The following DPF3 variants were observed in gnomAD, a reference collection of about 807,000 sequenced individuals.
DPF3 encodes the protein zinc finger protein DPF3.
Under a neutral mutation model 56.8 loss-of-function variants are expected in DPF3, and 18 were observed. That is an observed-to-expected ratio of 0.32 (90% confidence interval 0.22 to 0.47). The LOEUF (loss-of-function observed/expected upper bound fraction) is 0.47. Among genes scored for constraint, DPF3 ranks in the 20% least tolerant of loss-of-function variants. DPF3 has a pLI of 1.00. For synonymous variants in DPF3, 188 were observed against 180.2 expected (o/e 1.04, Z -0.35); for missense variants, 403 against 488.8 (o/e 0.82, Z 1.65).
chr14:72,648,856 T>C (rs1885809662), intron 8 of DPF3, among the ~76,000 whole-genome samples: 1 of 152,118 alleles, frequency 6.6e-6, no homozygotes, highest in Non-Finnish European at 1.5e-5. Context: ...AAAGAGATCC[T>C]TCCTGACCAA....
chr14:72,736,065 G>A (rs1042399870), intron 3 of DPF3, among the ~76,000 whole-genome samples: 1 of 152,170 alleles, frequency 6.6e-6, no homozygotes, highest in Admixed American at 6.5e-5. Flanking sequence ...CAGCTGCACT[G>A]TCCAACAGAA....
Position 72,619,307 on chromosome 14 carries a change from C to G in DPF3, c.1127G>C (p.Cys376Ser). The G allele has an allele frequency of 6.5e-7, 1 of 1,536,104 alleles. No homozygotes were observed. Among genetic ancestry groups the G allele is most frequent in the Non-Finnish European group, 8.7e-7 (1 of 1,146,876 alleles). The change falls in exon 11 of 11, where the codon TGC becomes TCC. Residue 376 changes from cysteine (C) to serine (S), a missense_variant. Physicochemically the swap from Cys to Ser is moderately radical, Grantham distance 112. Transcript: ENST00000556509. ...LLKEKASAFG[C>S]QA Reference sequence around the variant, plus strand: ...CTGTGACCTGGGGCCCTAGGCCTGGCAGCCAAAGGCTGAGGCTTTCTCTTT... The same window carrying G: ...CTGTGACCTGGGGCCCTAGGCCTGGGAGCCAAAGGCTGAGGCTTTCTCTTT...
chr14:72,883,090 G>C (rs2140126524), intron 1 of DPF3, among the ~76,000 whole-genome samples: 2 of 152,334 alleles, frequency 1.3e-5, no homozygotes, highest in South Asian at 4.1e-4. Context: ...GGCAGCCAAA[G>C]ATGTATCGAG....
chr14:72,781,613 A>G (rs886536056), intron 1 of DPF3, among the ~76,000 whole-genome samples: 1 of 151,904 alleles, frequency 6.6e-6, no homozygotes, highest in African/African-American at 2.4e-5. Context: ...GGGTGTTCTG[A>G]TGACATACAC....
intron 1 of DPF3, among the ~76,000 whole-genome samples, chr14:72,799,640 T>C (rs1892784409): frequency 2.9e-5 from 3 of 102,136 alleles, no homozygotes; most frequent in Admixed American, 2.9e-4. Context: ...ATCATATATG[T>C]ATATATATAT....
chr14:72,810,615 ACT>A (rs2140016899), intron 1 of DPF3, among the ~76,000 whole-genome samples: 1 of 152,226 alleles, frequency 6.6e-6, no homozygotes, highest in East Asian at 1.9e-4. Context: ...GAAAAGAATA[ACT>A]CTAAGAAACA....
intron 3 of DPF3, among the ~76,000 whole-genome samples, 171 bp from the exon 4 acceptor site, chr14:72,732,105 A>G (rs557782624): frequency 1.2e-4 from 18 of 152,210 alleles, no homozygotes; most frequent in African/African-American, 4.1e-4. Context: ...TTCCATCTCC[A>G]TTTCATAATC....
intron 1 of DPF3, among the ~76,000 whole-genome samples, chr14:72,774,696 G>A (rs1267148652): frequency 6.6e-6 from 1 of 152,080 alleles, no homozygotes. Flanking sequence ...ACATTCATAA[G>A]GGAGGCATAA....
At chr14:72,846,176 T>A (rs930759124) in intron 1 of DPF3, among the ~76,000 whole-genome samples, 10 of 151,462 alleles carry the variant, frequency 6.6e-5, no homozygotes, top group Non-Finnish European at 1.5e-4. Flanking sequence ...AATGGCATGA[T>A]CTCAGCTCAC....
At chr14:72,865,775 A>G (rs1885636895) in intron 1 of DPF3, among the ~76,000 whole-genome samples, 1 of 152,224 alleles carries the variant, frequency 6.6e-6, no homozygotes, top group Non-Finnish European at 1.5e-5. Context: ...GGCCGGGTGC[A>G]TCGGCTCATG....
At chr14:72,662,977 C>T in intron 8 of DPF3, 1 of 550,614 alleles carries the variant, frequency 1.8e-6, no homozygotes, top group South Asian at 7.9e-5. Flanking sequence ...AAACCACCAA[C>T]TAATTGCCAA....
intron 1 of DPF3, among the ~76,000 whole-genome samples, chr14:72,792,795 G>T (rs763715075): frequency 7.9e-5 from 12 of 152,012 alleles, no homozygotes; most frequent in Non-Finnish European, 1.0e-4. Context: ...CTCCAGAGCT[G>T]ACCTGAACCT....
rs75346160 is a variant in DPF3 at position 72,815,381 on chromosome 14, G to A, written c.33-43488C>T. On this transcript the variant is annotated intron_variant, in intron 1 of 10. Coordinates refer to ENST00000556509, the MANE Select transcript of DPF3 (RefSeq NM_001280542.3). ...AATAACTACGACTCTTACACACTGC[G>A]TGTGGGAATGCTAACTGGTACAGCC... Among the ~76,000 whole-genome samples, 35 of 152,356 alleles carry A rather than the reference G, an allele frequency of 2.3e-4. 2 individuals carry two copies. The South Asian group carries it at 5.8e-3, about 25-fold the overall frequency.
At position 72,753,433 on chromosome 14, in the gene DPF3, C is replaced by G. The variant is rs546363892; in HGVS notation, c.194-62G>C. On this transcript the variant is annotated intron_variant, in intron 2 of 10. Coordinates refer to ENST00000556509, the MANE Select transcript of DPF3 (RefSeq NM_001280542.3). ...GGCTGGAAGGGGCCTTGGAAACTACCCTGACTAACCCCGTCATTCACAAGG... is the reference window on the plus strand; with the variant it reads ...GGCTGGAAGGGGCCTTGGAAACTACGCTGACTAACCCCGTCATTCACAAGG... 6.2e-6 allele frequency: 8 copies of G among 1,290,754 alleles called. No homozygotes were observed. In the African/African-American group the frequency reaches 7.4e-5, roughly 12 times the overall value. The allele number at this position is 1,290,754 out of a possible 1,614,324, so 80.0% of individuals were successfully genotyped here.
chr14:72,841,582 G>A, intron 1 of DPF3, among the ~76,000 whole-genome samples: 1 of 151,584 alleles, frequency 6.6e-6, no homozygotes, highest in Non-Finnish European at 1.5e-5. Flanking sequence ...GTCTATTCTT[G>A]AAAAAAAATG....
chr14:72,834,459 T>C (rs552451602), intron 1 of DPF3, among the ~76,000 whole-genome samples: 2 of 143,560 alleles, frequency 1.4e-5, no homozygotes, highest in South Asian at 2.2e-4. Flanking sequence ...ATCGTGCCAC[T>C]GTACTCCAGC....
At chr14:72,680,503 C>T (rs1460484075) in intron 7 of DPF3, among the ~76,000 whole-genome samples, 1 of 152,236 alleles carries the variant, frequency 6.6e-6, no homozygotes, top group Admixed American at 6.5e-5. Context: ...GAGCCCTCGA[C>T]GGCAGAGAAC....
chr14:72,678,799 G>A (rs1887026980), intron 7 of DPF3, among the ~76,000 whole-genome samples: 1 of 152,158 alleles, frequency 6.6e-6, no homozygotes, highest in Non-Finnish European at 1.5e-5. Context: ...TTCATGGGCT[G>A]AGATCATATA....
At chr14:72,627,792 C>A (rs1314363810) in intron 9 of DPF3, among the ~76,000 whole-genome samples, 1 of 151,994 alleles carries the variant, frequency 6.6e-6, no homozygotes, top group Non-Finnish European at 1.5e-5. Flanking sequence ...TCATAGGATG[C>A]CTTTCAATTT....
Sources: gnomAD v4.1 joint callset for allele counts (sites outside exome capture counted in the v4.1 genomes callset) on GRCh38, gnomAD v4.1.1 for gene constraint, MANE v1.5 for transcripts, NCBI Gene and HGNC (gene_info 2026-07-23, HGNC 2026-07-21) for gene names.